FRMD4B: variants seen among roughly 807,000 people sequenced by gnomAD.
FRMD4B encodes FERM domain containing 4B, also known as FERM domain-containing protein 4B.
Under a neutral mutation model 141.5 loss-of-function variants are expected in FRMD4B, and 74 were observed. That is an observed-to-expected ratio of 0.52 (90% CI 0.43 to 0.63). The LOEUF (loss-of-function observed/expected upper bound fraction) is 0.63. FRMD4B is among the 30% of genes least tolerant of loss of function. FRMD4B has a pLI of 0.00. For synonymous variants in FRMD4B, 506 were observed against 467.9 expected (o/e 1.08, Z -1.05); for missense variants, 1,366 against 1,253.4 (o/e 1.09, Z -1.36).
intron 5 of FRMD4B, among the ~76,000 whole-genome samples, chr3:69,254,964 A>C (rs2093484177): frequency 6.6e-6 from 1 of 152,218 alleles, no homozygotes; most frequent in Non-Finnish European, 1.5e-5. Context: ...CCAAAATGCC[A>C]ATATGATGAA....
intron 1 of FRMD4B, among the ~76,000 whole-genome samples, chr3:69,444,702 G>T (rs940826554): frequency 6.6e-6 from 1 of 152,134 alleles, no homozygotes; most frequent in Non-Finnish European, 1.5e-5. Context: ...ACTCAAACAG[G>T]ATTTTCACAA....
In FRMD4B at chr3:69,198,668, G is replaced by A. The variant is rs192726334; in HGVS notation, c.953+30C>T. 4.3e-4 allele frequency: 474 copies of A among 1,101,912 alleles called. 1 individual carries two copies. The Middle Eastern group carries it at 0.014, about 33-fold the overall frequency. The allele number at this position is 1,101,912 out of a possible 1,614,324, so 68.3% of individuals were successfully genotyped here. ...GCAGCGTTATTTGTATAGTAACTGT[G>A]TCATACAGAGAAACGTCTTTGATCC... On this transcript the variant is annotated intron_variant, in intron 12 of 22. Coordinates refer to ENST00000398540, the MANE Select transcript of FRMD4B (RefSeq NM_015123.3).
At chr3:69,455,003 A>T (rs890093334) in intron 1 of FRMD4B, among the ~76,000 whole-genome samples, 1 of 152,146 alleles carries the variant, frequency 6.6e-6, no homozygotes, top group African/African-American at 2.4e-5. Context: ...CAGCACTCTA[A>T]ATCTAGCTAA....
At chr3:69,472,124 A>G (rs1705903120) in intron 1 of FRMD4B, 2 of 220,522 alleles carry the variant, frequency 9.1e-6, no homozygotes, top group Admixed American at 9.1e-5. Context: ...AAAGTTGGGA[A>G]TTTCTTTTTC....
chr3:69,382,201 G>A (rs1414507855), intron 1 of FRMD4B, among the ~76,000 whole-genome samples: 1 of 152,090 alleles, frequency 6.6e-6, no homozygotes, highest in Non-Finnish European at 1.5e-5. Flanking sequence ...CACCATGCCT[G>A]GCTAATTTTT....
chr3:69,515,505 C>T (rs1416705433), intron 1 of FRMD4B, among the ~76,000 whole-genome samples: 1 of 152,180 alleles, frequency 6.6e-6, no homozygotes, highest in Non-Finnish European at 1.5e-5. Flanking sequence ...AGTATGGACT[C>T]ATGGGTATTT....
At chr3:69,322,448 T>A (rs1015317895) in intron 1 of FRMD4B, among the ~76,000 whole-genome samples, 2 of 152,196 alleles carry the variant, frequency 1.3e-5, no homozygotes, top group Non-Finnish European at 2.9e-5. Flanking sequence ...ACTTCTTTTT[T>A]AAGTGTCAAT....
chr3:69,271,335 A>G (rs563484930), intron 5 of FRMD4B, among the ~76,000 whole-genome samples: 1 of 152,146 alleles, frequency 6.6e-6, no homozygotes, highest in African/African-American at 2.4e-5. Flanking sequence ...ACTGGAGGGC[A>G]TTTTCCTTGT....
At chr3:69,302,509 G>A (rs1039271262) in intron 3 of FRMD4B, 74 bp from the exon 4 acceptor site, 80 of 897,684 alleles carry the variant, frequency 8.9e-5, no homozygotes, top group Non-Finnish European at 2.4e-5. Context: ...TGTTGGCAAA[G>A]CTGTGGCGAA....
At chr3:69,457,745 G>A (rs1439116541) in intron 1 of FRMD4B, among the ~76,000 whole-genome samples, 1 of 152,212 alleles carries the variant, frequency 6.6e-6, no homozygotes, top group Non-Finnish European at 1.5e-5. Context: ...ATTTAGAAAA[G>A]AAGTTTTCTG....
chr3:69,210,546 A>C (rs1473926549), intron 11 of FRMD4B, among the ~76,000 whole-genome samples: 1 of 152,180 alleles, frequency 6.6e-6, no homozygotes, highest in African/African-American at 2.4e-5. Flanking sequence ...TCATACACAA[A>C]GGGAGGATTA....
At chr3:69,221,828 T>C in intron 9 of FRMD4B, 30 bp downstream of exon 9, 1 of 1,210,966 alleles carries the variant, frequency 8.3e-7, no homozygotes, top group Middle Eastern at 1.9e-4. Flanking sequence ...GATATTAAAA[T>C]TATATCTAAG....
chr3:69,479,925 T>C (rs185533004), intron 1 of FRMD4B, among the ~76,000 whole-genome samples: 3,738 of 152,306 alleles, frequency 0.025, 169 homozygotes, highest in African/African-American at 0.085. Flanking sequence ...CTTTTTTCTC[T>C]AAACTTCCCT....
intron 1 of FRMD4B, among the ~76,000 whole-genome samples, chr3:69,375,965 A>C (rs924126497): frequency 6.6e-6 from 1 of 152,222 alleles, no homozygotes; most frequent in Non-Finnish European, 1.5e-5. Flanking sequence ...TATCAACAAG[A>C]GATTGATATA....
chr3:69,329,682 C>G (rs1472443692), intron 1 of FRMD4B, among the ~76,000 whole-genome samples: 1 of 151,368 alleles, frequency 6.6e-6, no homozygotes, highest in African/African-American at 2.4e-5. Context: ...CGCCCGCCAC[C>G]AGGCCTGGCT....
intron 1 of FRMD4B, among the ~76,000 whole-genome samples, chr3:69,346,540 A>G (rs1702950225): frequency 6.6e-6 from 1 of 152,204 alleles, no homozygotes; most frequent in South Asian, 2.1e-4. Flanking sequence ...CAGATTCACC[A>G]AAGTTGAAAT....
At chr3:69,509,080 G>A (rs1245812689) in intron 1 of FRMD4B, among the ~76,000 whole-genome samples, 1 of 152,188 alleles carries the variant, frequency 6.6e-6, no homozygotes, top group Non-Finnish European at 1.5e-5. Context: ...GTGATACATG[G>A]ATGATCACTG....
chr3:69,284,255 G>A (rs2093657298), intron 5 of FRMD4B, among the ~76,000 whole-genome samples: 1 of 152,122 alleles, frequency 6.6e-6, no homozygotes, highest in Non-Finnish European at 1.5e-5. Flanking sequence ...GAGAACCCCT[G>A]AAAATCTATA....
intron 1 of FRMD4B, among the ~76,000 whole-genome samples, chr3:69,343,089 G>A (rs1483644072): frequency 3.7e-5 from 5 of 134,540 alleles, no homozygotes; most frequent in Non-Finnish European, 6.7e-5. Flanking sequence ...AAGTGGCTGG[G>A]ACTGCAGAGG....
Sources: allele counts gnomAD v4.1 joint callset (sites outside exome capture counted in the v4.1 genomes callset), GRCh38; gene constraint gnomAD v4.1.1; transcripts MANE v1.5; gene names NCBI Gene and HGNC (gene_info 2026-07-23, HGNC 2026-07-21).